SLC5A4: variants seen among roughly 807,000 people sequenced by gnomAD.
SLC5A4 encodes the protein probable glucose sensor protein SLC5A4.
Under a neutral mutation model 70.3 loss-of-function variants are expected in SLC5A4, and 55 were observed. The ratio of observed to expected loss-of-function variants is 0.78; its 90% CI spans 0.63 to 0.98. SLC5A4 has a LOEUF of 0.98. SLC5A4 is among the 50% of genes least tolerant of loss of function. SLC5A4 has a pLI of 0.00. For synonymous variants in SLC5A4, 268 were observed against 305.7 expected (o/e 0.88, Z 1.29); for missense variants, 735 against 839.2 (o/e 0.88, Z 1.53).
At position 32,239,568 on chromosome 22, in the gene SLC5A4, A is replaced by AT. The variant is rs1162571828; in HGVS notation, c.478-479dup. ...TATATATATATATATATATATATAT[A>AT]TTTATATATATATTTATATATATAT... On this transcript the variant is annotated intron_variant, in intron 5 of 14. Coordinates refer to ENST00000266086, the MANE Select transcript of SLC5A4 (RefSeq NM_014227.3). 9.1e-4 allele frequency among the ~76,000 whole-genome samples: 24 copies of AT among 26,472 alleles called. 2 individuals are homozygous for AT. The South Asian group carries it at 0.019, about 21-fold the overall frequency. The allele number at this position is 26,472 out of a possible 152,430, so 17.4% of individuals were successfully genotyped here.
chr22:32,324,109 G>A, the SLC5A4 span, among the ~76,000 whole-genome samples: 1 of 149,204 alleles, frequency 6.7e-6, no homozygotes, highest in Non-Finnish European at 1.5e-5. Context: ...AGGAGGGGAG[G>A]TGTGCCACTG....
upstream of SLC5A4, among the ~76,000 whole-genome samples, chr22:32,257,669 T>A (rs879017632): frequency 2.0e-4 from 24 of 122,700 alleles, no homozygotes; most frequent in Non-Finnish European, 2.4e-4. Flanking sequence ...CTTTTTTTTT[T>A]AATTTTTTTT....
the SLC5A4 span, among the ~76,000 whole-genome samples, chr22:32,292,240 ATAAT>A: frequency 0.48 from 48,565 of 101,250 alleles, 14,946 homozygotes; most frequent in Admixed American, 0.53. Context: ...TATTATATAT[ATAAT>A]ATATACTAGA....
chr22:32,274,925 A>T, the SLC5A4 span, among the ~76,000 whole-genome samples: 1 of 135,538 alleles, frequency 7.4e-6, no homozygotes, highest in Non-Finnish European at 1.7e-5. Flanking sequence ...GTTCAGTTCA[A>T]CTTATGAGTC....
Position 32,229,334 on chromosome 22 carries a change from G to T in SLC5A4, c.1140C>A (p.Gly380=), listed in dbSNP as rs751258625. 5.6e-6 allele frequency: 9 copies of T among 1,614,066 alleles called. No homozygotes were observed. The South Asian group carries it at 8.8e-5, about 16-fold the overall frequency. Residue 380 remains glycine (G), a synonymous_variant, in exon 11 of 15, where the codon GGC becomes GGA. Coordinates refer to ENST00000266086, the MANE Select transcript of SLC5A4 (RefSeq NM_014227.3). ...VLELMPQGLR[G]LMLSVMLASL... is the part of the protein sequence containing the mutation. ...AGGCCAGCATGACCGAAAGCATCAGGCCTCGCAGTCCTGGAGCCGGGAAAG... is the reference window on the plus strand; with the variant it reads ...AGGCCAGCATGACCGAAAGCATCAGTCCTCGCAGTCCTGGAGCCGGGAAAG...
chr22:32,228,467 G>A (rs1026778634), intron 11 of SLC5A4, among the ~76,000 whole-genome samples: 5 of 152,002 alleles, frequency 3.3e-5, no homozygotes, highest in East Asian at 1.9e-4. Context: ...GCTTGAACCC[G>A]GGAGGCGGCG....
chr22:32,296,373 A>G, the SLC5A4 span, among the ~76,000 whole-genome samples: 485 of 76,334 alleles, frequency 6.4e-3, 1 homozygote, highest in Admixed American at 0.014. Context: ...GGTCCTTCAC[A>G]TCCCTTGTAA....
At chr22:32,260,523 A>AAC in the SLC5A4 span, among the ~76,000 whole-genome samples, 1 of 151,160 alleles carries the variant, frequency 6.6e-6, no homozygotes, top group African/African-American at 2.4e-5. Context: ...AAAAAAAACA[A>AAC]AACCAAAAAC....
chr22:32,254,288 G>C, intron 1 of SLC5A4, 75 bp from the exon 2 acceptor site: 1 of 1,060,798 alleles, frequency 9.4e-7, no homozygotes, highest in South Asian at 1.3e-5. Flanking sequence ...TCTGGCCAGG[G>C]TGCTGAGAGG....
chr22:32,272,319 G>A, the SLC5A4 span: 1 of 824,376 alleles, frequency 1.2e-6, no homozygotes, highest in Non-Finnish European at 2.1e-6. Context: ...GCCCGTGACT[G>A]CCCTGTGCAC....
chr22:32,319,073 TCA>T, the SLC5A4 span, among the ~76,000 whole-genome samples: 38 of 152,300 alleles, frequency 2.5e-4, no homozygotes, highest in African/African-American at 7.5e-4. Context: ...AAGGGGGAAT[TCA>T]CACTCTCTGC....
chr22:32,291,269 G>A, the SLC5A4 span, among the ~76,000 whole-genome samples: 12 of 147,182 alleles, frequency 8.2e-5, no homozygotes, highest in East Asian at 4.1e-4. Flanking sequence ...TCCGCCTCCC[G>A]GGTTCAAGCG....
the SLC5A4 span, among the ~76,000 whole-genome samples, chr22:32,262,428 G>C: frequency 6.6e-6 from 1 of 152,198 alleles, no homozygotes. Flanking sequence ...TGTGCAAACT[G>C]ATGGCTAGCA....
the SLC5A4 span, among the ~76,000 whole-genome samples, chr22:32,311,236 GCA>G: frequency 3.9e-5 from 6 of 152,226 alleles, no homozygotes; most frequent in African/African-American, 1.4e-4. Context: ...TAGAAAGCCA[GCA>G]CAGTGAGCAG....
the SLC5A4 span, among the ~76,000 whole-genome samples, chr22:32,335,345 CCTT>C: frequency 0.14 from 21,170 of 152,128 alleles, 1,990 homozygotes; most frequent in African/African-American, 0.27. Flanking sequence ...AGTATCTCCT[CCTT>C]CTTGTCTGGC....
chr22:32,326,500 C>G, the SLC5A4 span, among the ~76,000 whole-genome samples: 1 of 152,146 alleles, frequency 6.6e-6, no homozygotes, highest in African/African-American at 2.4e-5. Context: ...GGTGATCCAC[C>G]CGCCTCGGCC....
chr22:32,247,300 T>C lies in SLC5A4; in HGVS notation c.477+111A>G. On this transcript the variant is annotated intron_variant, in intron 5 of 14. Transcript: ENST00000266086. ...TGAGAATTTAAGACATCCATATCCTTGACCCTTTAAAGGCTGTTGACAGTC... is the reference window on the plus strand; with the variant it reads ...TGAGAATTTAAGACATCCATATCCTCGACCCTTTAAAGGCTGTTGACAGTC... 4.3e-6 allele frequency: 3 copies of C among 696,354 alleles called. 1 individual carries two copies. Among genetic ancestry groups the C allele is most frequent in the Non-Finnish European group, 7.8e-6 (3 of 383,318 alleles). The allele number at this position is 696,354 out of a possible 1,614,324, so 43.1% of individuals were successfully genotyped here. A position where few individuals can be genotyped will look rare whatever the true frequency, so the allele number is the denominator to read the frequency against.
the SLC5A4 span, chr22:32,271,293 G>C: frequency 0.058 from 42,624 of 741,128 alleles, 3,639 homozygotes; most frequent in East Asian, 0.34. Flanking sequence ...CACAGGGCGA[G>C]GCCCGCAGGG....
chr22:32,308,959 TAGAC>T, the SLC5A4 span, among the ~76,000 whole-genome samples: 2 of 152,118 alleles, frequency 1.3e-5, no homozygotes, highest in Non-Finnish European at 2.9e-5. Context: ...CCTACCTACC[TAGAC>T]AGTCTCACTC....
Sources: allele counts gnomAD v4.1 joint callset (sites outside exome capture counted in the v4.1 genomes callset), GRCh38; gene constraint gnomAD v4.1.1; transcripts MANE v1.5; gene names NCBI Gene and HGNC (gene_info 2026-07-23, HGNC 2026-07-21).